BEND3: variants seen among roughly 807,000 people sequenced by gnomAD.
BEND3 encodes BEN domain containing 3, also known as BEN domain-containing protein 3.
A neutral mutation model predicts 60.1 loss-of-function variants in BEND3; 13 were observed. The observed-to-expected ratio is 0.22, with a 90% confidence interval of 0.14 to 0.34. BEND3 has a LOEUF of 0.34. BEND3 is among the 10% of genes least tolerant of loss of function. The pLI is 1.00. For synonymous variants in BEND3, 497 were observed against 491.5 expected, an observed-to-expected ratio of 1.01 and a Z score of -0.15; for missense variants, 896 against 1,138.1, an observed-to-expected ratio of 0.79 and a Z score of 3.06.
rs373735706 is a variant in BEND3 at position 107,070,780 on chromosome 6, C to T, written c.411G>A (p.Lys137=). The change falls in exon 4 of 4, where the codon AAG becomes AAA. Residue 137 remains lysine, a synonymous_variant. Transcript: ENST00000369042. The surrounding 1 kb of genome is among the most constrained non-coding windows in gnomAD (Gnocchi z 6.9). ...YKKPLYGISH[K]IMEKKNPPSG... ...AGGGAGGATTCTTCTTCTCCATGAT[C>T]TTGTGCGAGATGCCATACAGAGGCT... 3.8e-5 allele frequency: 62 copies of T among 1,614,142 alleles called. No individual in the cohort carries two copies. In the African/African-American group the frequency reaches 7.9e-4, roughly 20 times the overall value.
At chr6:107,085,153 C>T (rs1451120097) in intron 3 of BEND3, among the ~76,000 whole-genome samples, 4 of 152,152 alleles carry the variant, frequency 2.6e-5, no homozygotes, top group Admixed American at 6.5e-5. Context: ...CGAAGGTCTG[C>T]GGCTTCACTC....
chr6:107,111,075 G>C (rs1554238335), intron 1 of BEND3, among the ~76,000 whole-genome samples: 1 of 152,126 alleles, frequency 6.6e-6, no homozygotes, highest in South Asian at 2.1e-4. Context: ...TGAGGTGGGA[G>C]GATCGCTTGA....
At chr6:107,073,265 G>A (rs7762009) in intron 3 of BEND3, among the ~76,000 whole-genome samples, 1,590 of 23,092 alleles carry the variant, frequency 0.069, 201 homozygotes, top group African/African-American at 0.09. Flanking sequence ...ATATATATAT[G>A]TATGTGAGCA....
At chr6:107,113,400 T>G (rs1554238773) in intron 1 of BEND3, among the ~76,000 whole-genome samples, 1 of 129,232 alleles carries the variant, frequency 7.7e-6, no homozygotes, top group Non-Finnish European at 1.5e-5. Flanking sequence ...ATCAAGCCAC[T>G]GCACTCCAGC....
At chr6:107,105,618 A>G (rs1554237374) in intron 1 of BEND3, among the ~76,000 whole-genome samples, 3 of 152,170 alleles carry the variant, frequency 2.0e-5, no homozygotes, top group Non-Finnish European at 4.4e-5. Flanking sequence ...CGTGAGCCTA[A>G]TCAGAGCTGC....
At chr6:107,103,879 C>T (rs112527532) in intron 1 of BEND3, among the ~76,000 whole-genome samples, 2,433 of 146,822 alleles carry the variant, frequency 0.017, 79 homozygotes, top group African/African-American at 0.057. Flanking sequence ...ATCCGGGAGG[C>T]GGAGGTTGTG....
chr6:107,079,053 A>C (rs1775167143), intron 3 of BEND3, among the ~76,000 whole-genome samples: 1 of 152,082 alleles, frequency 6.6e-6, no homozygotes, highest in African/African-American at 2.4e-5. Context: ...GGATGTCCAG[A>C]GGAGCGGATC....
intron 1 of BEND3, among the ~76,000 whole-genome samples, chr6:107,112,469 G>C (rs1554238571): frequency 1.3e-5 from 2 of 152,154 alleles, no homozygotes; most frequent in Non-Finnish European, 2.9e-5. Context: ...CTATCGTCTT[G>C]CTGGGCATGG....
intron 3 of BEND3, among the ~76,000 whole-genome samples, chr6:107,075,649 T>C (rs1775085263): frequency 6.6e-6 from 1 of 152,196 alleles, no homozygotes; most frequent in African/African-American, 2.4e-5. Flanking sequence ...TTAGGAGTGA[T>C]TTTAGAAAAG....
At chr6:107,114,955 G>GCCCCCCTCCGCGT (rs1554239075) in intron 1 of BEND3, 135 bp downstream of exon 1, 4 of 146,108 alleles carry the variant, frequency 2.7e-5, no homozygotes, top group African/African-American at 9.9e-5. Context: ...GCTCGGAGCA[G>GCCCCCCTCCGCGT]CCCCCCTCCG....
intron 3 of BEND3, among the ~76,000 whole-genome samples, chr6:107,081,698 ACAT>A (rs1775237584): frequency 1.3e-5 from 2 of 151,882 alleles, no homozygotes; most frequent in African/African-American, 2.4e-5. Context: ...TTTTCCCTAA[ACAT>A]GTCAGAGTCC....
chr6:107,115,055 C>T (rs150604675), intron 1 of BEND3, 35 bp downstream of exon 1: 3,709 of 149,610 alleles, frequency 0.025, 74 homozygotes, highest in Middle Eastern at 0.055. Context: ...ACGCTGCCGC[C>T]GCCGCGCGGC....
intron 3 of BEND3, among the ~76,000 whole-genome samples, chr6:107,080,512 A>T (rs543436380): frequency 1.2e-4 from 19 of 152,276 alleles, no homozygotes; most frequent in African/African-American, 4.6e-4. Context: ...GAGAATATTC[A>T]CCCTGAATTA....
rs1290625554 is a variant in BEND3 at position 107,073,243 on chromosome 6, ATATATATATATATATATATATG to A, written c.241-2315_241-2294del. On this transcript the variant is annotated intron_variant, in intron 3 of 3. Transcript: ENST00000369042. ...TATATATATATATATATATATATAT[ATATATATATATATATATATATG>A]TATGTGAGCAAATGGTCAGTGGCAA... 7.7e-3 allele frequency among the ~76,000 whole-genome samples: 166 copies of A among 21,684 alleles called. 9 individuals carry two copies. Among genetic ancestry groups the A allele is most frequent in the African/African-American group, 0.02 (146 of 7,198 alleles). The allele number at this position is 21,684 out of a possible 152,430, so 14.2% of individuals were successfully genotyped here. A position where few individuals can be genotyped will look rare whatever the true frequency, so the allele number is the denominator to read the frequency against.
intron 3 of BEND3, among the ~76,000 whole-genome samples, chr6:107,084,314 C>T (rs1775295364): frequency 6.6e-6 from 1 of 152,174 alleles, no homozygotes; most frequent in African/African-American, 2.4e-5. Flanking sequence ...CAGCACAGAC[C>T]CCACACTTTC....
chr6:107,070,686 G>T lies in BEND3; in HGVS notation c.505C>A (p.Arg169=). The change falls in exon 4 of 4, where the codon CGG becomes AGG. Residue 169 remains arginine (R), a synonymous_variant. Transcript: ENST00000369042. This position sits in a 1 kb window ranked among gnomAD's most constrained non-coding sequence, Gnocchi z 6.9. ...ANASNSPSSL[R]LLNEPQKRDC... is the part of the protein sequence containing the mutation. ...CGCTTCTGTGGCTCATTCAGGAGCC[G>T]CAGTGACGAGGGGCTGTTGCTGGCG... The T allele has an allele frequency of 6.2e-7, 1 of 1,613,114 alleles. No individual in the cohort carries two copies. Among genetic ancestry groups the T allele is most frequent in the South Asian group, 1.1e-5 (1 of 91,036 alleles).
intron 1 of BEND3, among the ~76,000 whole-genome samples, chr6:107,102,922 G>A (rs561399549): frequency 5.9e-5 from 9 of 152,312 alleles, no homozygotes; most frequent in Non-Finnish European, 1.5e-5. Context: ...ATCACTGAGT[G>A]GCAGAACCTG....
chr6:107,084,798 G>A lies in BEND3; in HGVS notation c.240+13753C>T, dbSNP rs185477867. Among the ~76,000 whole-genome samples the A allele has an allele frequency of 4.0e-4, 61 of 152,284 alleles. 2 individuals are homozygous for A. The highest frequency in any genetic ancestry group is 1.5e-3 in the African/African-American group (61 of 41,548). On this transcript the variant is annotated intron_variant, in intron 3 of 3. Coordinates refer to ENST00000369042, the MANE Select transcript of BEND3 (RefSeq NM_001367314.1). ...AATCAGTGCTCTGTGTCTAGCTAAA[G>A]GACTGTAAATGAACCAATCAGCACT...
intron 3 of BEND3, among the ~76,000 whole-genome samples, chr6:107,087,033 A>G (rs1411852489): frequency 6.6e-6 from 1 of 150,634 alleles, no homozygotes; most frequent in Non-Finnish European, 1.5e-5. Context: ...TAAAAAAAAA[A>G]AAAAAAAAGA....
Sources: allele counts gnomAD v4.1 joint callset (sites outside exome capture counted in the v4.1 genomes callset), GRCh38; gene constraint gnomAD v4.1.1; non-coding constraint Gnocchi (gnomAD v3.1); transcripts MANE v1.5; gene names NCBI Gene and HGNC (gene_info 2026-07-23, HGNC 2026-07-21).